CACNB2: variants seen among roughly 807,000 people sequenced by gnomAD.
CACNB2 encodes voltage-dependent L-type calcium channel subunit beta-2.
In CACNB2, 42 loss-of-function variants were observed where a neutral mutation model predicts 73.3. The ratio of observed to expected loss-of-function variants is 0.57; its 90% CI spans 0.45 to 0.74. The LOEUF (loss-of-function observed/expected upper bound fraction) is 0.74. Ranked by LOEUF, CACNB2 falls within the 30% of genes least tolerant of loss-of-function variation. The pLI is 0.00. For synonymous variants in CACNB2, 348 were observed against 310.3 expected, an observed-to-expected ratio of 1.12 and a Z score of -1.28; for missense variants, 940 against 853.0, an observed-to-expected ratio of 1.10 and a Z score of -1.27.
chr10:18,219,257 A>G (rs1162313480), intron 2 of CACNB2, among the ~76,000 whole-genome samples: 1 of 152,108 alleles, frequency 6.6e-6, no homozygotes, highest in African/African-American at 2.4e-5. Flanking sequence ...TGGTTATAAC[A>G]TGTTCCTTTT....
intron 2 of CACNB2, among the ~76,000 whole-genome samples, chr10:18,211,878 C>T (rs886340018): frequency 6.6e-6 from 1 of 151,502 alleles, no homozygotes; most frequent in African/African-American, 2.4e-5. Flanking sequence ...TTTTTTTTCT[C>T]CCCATTACCA....
At chr10:18,283,388 C>G (rs2038640874) in intron 2 of CACNB2, among the ~76,000 whole-genome samples, 1 of 152,016 alleles carries the variant, frequency 6.6e-6, no homozygotes, top group Non-Finnish European at 1.5e-5. Context: ...TATTGCAGCA[C>G]TATTCACAAT....
At chr10:18,512,767 G>C (rs764065522) in intron 6 of CACNB2, among the ~76,000 whole-genome samples, 2 of 152,146 alleles carry the variant, frequency 1.3e-5, no homozygotes, top group African/African-American at 2.4e-5. Context: ...GCATCCTGCT[G>C]GTTGTGGAAG....
At position 18,458,858 on chromosome 10, in the gene CACNB2, C is replaced by G. The variant is rs374431408; in HGVS notation, c.334-39497C>G. 3.0e-4 allele frequency among the ~76,000 whole-genome samples: 45 copies of G among 151,606 alleles called. No homozygotes were observed. The East Asian group carries it at 7.8e-3, about 26-fold the overall frequency. On this transcript the variant is annotated intron_variant, in intron 3 of 13. Transcript: ENST00000324631. ...TTGGCTCACTGCAACCTCCGCCTCC[C>G]AGGTTCAAGCAATTCTCCTGCCTCA...
At chr10:18,424,248 A>C (rs1250334847) in intron 3 of CACNB2, among the ~76,000 whole-genome samples, 5 of 152,184 alleles carry the variant, frequency 3.3e-5, no homozygotes, top group African/African-American at 1.2e-4. Flanking sequence ...TTACTGAAGA[A>C]GTGTTACAGC....
chr10:18,451,365 A>C (rs2047012945), intron 3 of CACNB2, among the ~76,000 whole-genome samples: 1 of 152,224 alleles, frequency 6.6e-6, no homozygotes, highest in African/African-American at 2.4e-5. Flanking sequence ...AGGTAGACCC[A>C]CAAGCTGTCA....
intron 2 of CACNB2, among the ~76,000 whole-genome samples, chr10:18,201,677 A>G (rs775715592): frequency 2.0e-5 from 3 of 152,218 alleles, no homozygotes; most frequent in East Asian, 1.9e-4. Flanking sequence ...GGGCGATAGC[A>G]TATCCGTTTT....
At chr10:18,237,572 G>A (rs1031279597) in intron 2 of CACNB2, among the ~76,000 whole-genome samples, 4 of 152,188 alleles carry the variant, frequency 2.6e-5, no homozygotes, top group African/African-American at 7.2e-5. Flanking sequence ...TCCAGAACTG[G>A]AGAGAGTGTA....
chr10:18,438,852 C>G (rs1051890349), intron 3 of CACNB2, among the ~76,000 whole-genome samples: 1 of 152,142 alleles, frequency 6.6e-6, no homozygotes, highest in Non-Finnish European at 1.5e-5. Flanking sequence ...TGTTTTTATG[C>G]CCTCTTACCT....
At position 18,450,758 on chromosome 10, in the gene CACNB2, G is replaced by T. The variant is rs559121632; in HGVS notation, c.334-47597G>T. Among the ~76,000 whole-genome samples, 330 of 151,880 alleles carry T rather than the reference G, an allele frequency of 2.2e-3. 1 individual carries two copies. The highest frequency in any genetic ancestry group is 3.4e-3 in the Non-Finnish European group (232 of 67,966). Reference sequence around the variant, plus strand: ...CCCTCTCAGTCTCCTGAGTAGCTGGGATTACAGGTGTGCACCACCATGACT... The same window carrying T: ...CCCTCTCAGTCTCCTGAGTAGCTGGTATTACAGGTGTGCACCACCATGACT... On this transcript the variant is annotated intron_variant, in intron 3 of 13. Transcript: ENST00000324631.
intron 2 of CACNB2, among the ~76,000 whole-genome samples, chr10:18,305,321 G>A (rs528807249): frequency 3.9e-5 from 6 of 152,118 alleles, no homozygotes; most frequent in Non-Finnish European, 8.8e-5. Flanking sequence ...AATATTCAGA[G>A]GAAAAGTAAA....
intron 3 of CACNB2, among the ~76,000 whole-genome samples, chr10:18,466,355 C>G (rs1423500780): frequency 6.6e-6 from 1 of 152,170 alleles, no homozygotes; most frequent in Non-Finnish European, 1.5e-5. Context: ...CCAGCCTCAG[C>G]CTTCTGCATA....
intron 2 of CACNB2, among the ~76,000 whole-genome samples, chr10:18,294,373 T>C (rs983101432): frequency 6.6e-6 from 1 of 152,208 alleles, no homozygotes; most frequent in Non-Finnish European, 1.5e-5. Flanking sequence ...CAGATCATCC[T>C]GGTACAAGGG....
intron 3 of CACNB2, among the ~76,000 whole-genome samples, chr10:18,422,684 G>C (rs1401593970): frequency 6.8e-6 from 1 of 146,100 alleles, no homozygotes; most frequent in Non-Finnish European, 1.5e-5. Context: ...GGAATGGCCT[G>C]TTGACACTTC....
intron 2 of CACNB2, among the ~76,000 whole-genome samples, chr10:18,398,678 CACACACACACACAT>C (rs778012235): frequency 0.023 from 2,944 of 126,492 alleles, 55 homozygotes; most frequent in African/African-American, 0.057. Flanking sequence ...CACACACACA[CACACACACACACAT>C]ACACACACAC....
At chr10:18,145,695 G>A (rs2030896571) in intron 1 of CACNB2, among the ~76,000 whole-genome samples, 1 of 152,128 alleles carries the variant, frequency 6.6e-6, no homozygotes, top group African/African-American at 2.4e-5. Context: ...TTTGTGGCAT[G>A]TCTCTATCCT....
At chr10:18,174,896 G>A (rs2131174380) in intron 2 of CACNB2, among the ~76,000 whole-genome samples, 1 of 152,170 alleles carries the variant, frequency 6.6e-6, no homozygotes, top group African/African-American at 2.4e-5. Context: ...GGAAAGAATT[G>A]AAACTTAACT....
At chr10:18,377,512 G>A (rs2042848012) in intron 2 of CACNB2, among the ~76,000 whole-genome samples, 1 of 152,184 alleles carries the variant, frequency 6.6e-6, no homozygotes. Context: ...ACTAAGTGTG[G>A]CCATGTTCCA....
chr10:18,471,811 C>G (rs991036842), intron 3 of CACNB2, among the ~76,000 whole-genome samples: 1 of 152,222 alleles, frequency 6.6e-6, no homozygotes, highest in Non-Finnish European at 1.5e-5. Flanking sequence ...AAGAAGAAAT[C>G]GCTAGGTAGG....
Sources: gnomAD v4.1 joint callset for allele counts (sites outside exome capture counted in the v4.1 genomes callset) on GRCh38, gnomAD v4.1.1 for gene constraint, MANE v1.5 for transcripts, NCBI Gene and HGNC (gene_info 2026-07-23, HGNC 2026-07-21) for gene names.